Variants in MEF2C observed in about 807,000 individuals in gnomAD.
MEF2C encodes the protein myocyte-specific enhancer factor 2C.
Under a neutral mutation model 50.5 loss-of-function variants are expected in MEF2C, and 6 were observed. That is an observed-to-expected ratio of 0.12 (90% CI 0.07 to 0.23). MEF2C has a LOEUF of 0.23. Ranked by LOEUF, MEF2C falls within the 10% of genes least tolerant of loss-of-function variation. The probability of loss-of-function intolerance (pLI) is 1.00; values close to 1 mark genes in which losing one functional copy is unlikely to be tolerated. For synonymous variants in MEF2C, 183 were observed against 228.0 expected, an observed-to-expected ratio of 0.80 and a Z score of 1.78; for missense variants, 276 against 605.0, an observed-to-expected ratio of 0.46 and a Z score of 5.70.
At chr5:88,734,953 G>A (rs975664894) in intron 6 of MEF2C, 4 of 985,132 alleles carry the variant, frequency 4.1e-6, no homozygotes, top group African/African-American at 1.7e-5. Context: ...CTTTTTGCTA[G>A]TGAATTTCTG....
intron 5 of MEF2C, chr5:88,749,391 T>A: frequency 1.0e-6 from 1 of 985,174 alleles, no homozygotes; most frequent in Non-Finnish European, 1.2e-6. Context: ...TTATTATTTC[T>A]AAGTCTAGGT....
At chr5:88,838,208 A>C (rs1561278032) in intron 1 of MEF2C, among the ~76,000 whole-genome samples, 4 of 152,182 alleles carry the variant, frequency 2.6e-5, no homozygotes, top group Admixed American at 1.3e-4. Context: ...GAGTTGGTGG[A>C]ATCTACAAAT....
chr5:88,805,096 T>A (rs144747434), intron 2 of MEF2C, among the ~76,000 whole-genome samples: 176 of 152,270 alleles, frequency 1.2e-3, no homozygotes, highest in African/African-American at 4.1e-3. Context: ...AAGTTAAGAT[T>A]TAAAAAAAAA....
intron 3 of MEF2C, among the ~76,000 whole-genome samples, chr5:88,791,074 T>G (rs894351379): frequency 2.0e-5 from 3 of 152,212 alleles, no homozygotes; most frequent in Non-Finnish European, 4.4e-5. Flanking sequence ...AGTAAGAATA[T>G]TCTACACTTT....
At chr5:88,740,297 T>G in intron 6 of MEF2C, 1 of 968,900 alleles carries the variant, frequency 1.0e-6, no homozygotes, top group Non-Finnish European at 1.2e-6. Context: ...AATGAGACAA[T>G]GAGCTTTTAA....
intron 10 of MEF2C, among the ~76,000 whole-genome samples, chr5:88,725,937 C>T (rs949955724): frequency 6.6e-6 from 1 of 152,058 alleles, no homozygotes; most frequent in African/African-American, 2.4e-5. Flanking sequence ...TACACTAAAT[C>T]AAATATTAGT....
intron 3 of MEF2C, among the ~76,000 whole-genome samples, chr5:88,798,630 G>A (rs567797822): frequency 1.3e-5 from 2 of 152,122 alleles, no homozygotes; most frequent in East Asian, 1.9e-4. Flanking sequence ...ACCTTCTGAA[G>A]CCTATTTCTG....
intron 2 of MEF2C, among the ~76,000 whole-genome samples, chr5:88,815,908 C>T (rs1486615606): frequency 6.6e-6 from 1 of 151,894 alleles, no homozygotes; most frequent in African/African-American, 2.4e-5. Flanking sequence ...ACAGTTTGTG[C>T]ATTTGCAAAG....
At chr5:88,723,883 T>A (rs943754233) in intron 10 of MEF2C, among the ~76,000 whole-genome samples, 2 of 152,202 alleles carry the variant, frequency 1.3e-5, no homozygotes, top group African/African-American at 4.8e-5. Flanking sequence ...TTTTCCTTTT[T>A]CCAAAATCTG....
intron 3 of MEF2C, among the ~76,000 whole-genome samples, chr5:88,791,576 TAATA>T (rs1351401981): frequency 1.3e-5 from 2 of 152,158 alleles, no homozygotes; most frequent in Non-Finnish European, 2.9e-5. Flanking sequence ...ATTATTTTCT[TAATA>T]AATGAGATGT....
At chr5:88,754,462 C>A (rs1054524463) in intron 4 of MEF2C, among the ~76,000 whole-genome samples, 1 of 152,164 alleles carries the variant, frequency 6.6e-6, no homozygotes, top group African/African-American at 2.4e-5. Flanking sequence ...CTTCAATTAC[C>A]CTTTAGAGTT....
At chr5:88,801,375 A>G (rs1296989992) in intron 3 of MEF2C, among the ~76,000 whole-genome samples, 1 of 152,196 alleles carries the variant, frequency 6.6e-6, no homozygotes, top group Admixed American at 6.5e-5. Context: ...TTTATGGTAG[A>G]TCCATTCTAA....
intron 3 of MEF2C, chr5:88,772,924 G>C: frequency 2.0e-6 from 2 of 985,362 alleles, no homozygotes; most frequent in Non-Finnish European, 2.4e-6. Flanking sequence ...CTGAGCTTGT[G>C]ATATGCCATC....
At chr5:88,886,158 C>A (rs1364169514), upstream of MEF2C, among the ~76,000 whole-genome samples, 1 of 152,112 alleles carries the variant, frequency 6.6e-6, no homozygotes, top group Non-Finnish European at 1.5e-5. Context: ...CATTAGTTTT[C>A]TTCCCATGAG....
chr5:88,820,749 G>C (rs185756989), intron 2 of MEF2C, among the ~76,000 whole-genome samples: 1 of 152,108 alleles, frequency 6.6e-6, no homozygotes, highest in East Asian at 1.9e-4. Context: ...AGAAAGCCCA[G>C]GTTACGGGTG....
intron 3 of MEF2C, among the ~76,000 whole-genome samples, chr5:88,767,126 C>T (rs1270623208): frequency 4.6e-5 from 7 of 152,224 alleles, no homozygotes; most frequent in Admixed American, 4.6e-4. Context: ...GCTTTGAGGA[C>T]TGTGCCCAGT....
intron 1 of MEF2C, among the ~76,000 whole-genome samples, chr5:88,902,245 A>G (rs1835741804): frequency 6.6e-6 from 1 of 151,712 alleles, no homozygotes; most frequent in Admixed American, 6.6e-5. Context: ...GACTATAGTT[A>G]CTCAGGTGTC....
chr5:88,784,264 G>A (rs1024021062), intron 3 of MEF2C, among the ~76,000 whole-genome samples: 3 of 152,102 alleles, frequency 2.0e-5, no homozygotes, highest in Admixed American at 6.5e-5. Context: ...TGATTTGGAG[G>A]TAGTCAAATC....
chr5:88,739,822 T>A (rs2152399045), intron 6 of MEF2C: 3 of 985,302 alleles, frequency 3.0e-6, no homozygotes, highest in African/African-American at 1.7e-5. Context: ...GAAATCTGGG[T>A]ATGATGAAAA....
Sources: gnomAD v4.1 joint callset for allele counts (sites outside exome capture counted in the v4.1 genomes callset) on GRCh38, gnomAD v4.1.1 for gene constraint, MANE v1.5 for transcripts, NCBI Gene and HGNC (gene_info 2026-07-23, HGNC 2026-07-21) for gene names.